Variants in ATP1A1 observed in about 807,000 individuals in gnomAD.
ATP1A1 encodes the protein sodium/potassium-transporting ATPase subunit alpha-1.
ATP1A1 carries 14 observed loss-of-function variants against 114.8 expected under a neutral mutation model. The observed-to-expected ratio is 0.12, with a 90% confidence interval of 0.08 to 0.19. The LOEUF is 0.19. Among genes scored for constraint, ATP1A1 ranks in the 10% least tolerant of loss-of-function variants. The pLI, the probability that ATP1A1 is intolerant of heterozygous loss-of-function variation, is 1.00. For synonymous variants in ATP1A1, 471 were observed against 466.3 expected, an observed-to-expected ratio of 1.01 and a Z score of -0.13; for missense variants, 524 against 1,290.7, an observed-to-expected ratio of 0.41 and a Z score of 9.10.
At chr1:116,394,114 A>G (rs1407005988) in intron 12 of ATP1A1, among the ~76,000 whole-genome samples, 1 of 152,214 alleles carries the variant, frequency 6.6e-6, no homozygotes, top group African/African-American at 2.4e-5. Flanking sequence ...TGTCTAAGTT[A>G]GACATACTAT....
intron 1 of ATP1A1, among the ~76,000 whole-genome samples, chr1:116,375,856 TCTC>T (rs987130437): frequency 6.6e-6 from 1 of 152,198 alleles, no homozygotes; most frequent in South Asian, 2.1e-4. Context: ...CTTCCCCTCC[TCTC>T]CTCAGTACCC....
At chr1:116,378,780 G>A (rs1239245667) in intron 1 of ATP1A1, among the ~76,000 whole-genome samples, 3 of 152,140 alleles carry the variant, frequency 2.0e-5, no homozygotes. Flanking sequence ...GGACTTACTG[G>A]GAGTTGATCT....
chr1:116,374,695 G>A (rs1292291326), intron 1 of ATP1A1, among the ~76,000 whole-genome samples: 1 of 152,184 alleles, frequency 6.6e-6, no homozygotes, highest in African/African-American at 2.4e-5. Context: ...GGAGTTCATG[G>A]GGTGAAAGTG....
At chr1:116,396,858 C>T in intron 14 of ATP1A1, 124 bp downstream of exon 14, 1 of 1,240,682 alleles carries the variant, frequency 8.1e-7, no homozygotes. Flanking sequence ...TGTACCTGCA[C>T]TGCCAGAAAG....
intron 9 of ATP1A1, 152 bp from the exon 10 acceptor site, chr1:116,390,630 G>A (rs1652393994): frequency 4.8e-6 from 4 of 828,386 alleles, no homozygotes. Context: ...CTACAAACGT[G>A]ACTGAAGAAT....
At chr1:116,374,391 C>G in intron 1 of ATP1A1, 1 of 1,179,664 alleles carries the variant, frequency 8.5e-7, no homozygotes, top group South Asian at 1.4e-5. Context: ...CCACCAGGGC[C>G]TCAGGGTACA....
In ATP1A1 at chr1:116,401,295, AAAG is replaced by A. The variant is rs750718064; in HGVS notation, c.2849+39_2849+41del. The A allele has an allele frequency of 1.2e-6, 2 of 1,612,526 alleles. No homozygotes were observed. The highest frequency in any genetic ancestry group is 1.3e-5 in the African/African-American group (1 of 75,016). ...GAAGGACATGTCAAGGCCTTGGCTC[AAAG>A]AAGGGGACTGGTGATTTGTAAACCC... is the stretch of plus-strand genomic sequence containing the variant. On this transcript the variant is annotated intron_variant, in intron 20 of 22. Transcript: ENST00000295598. This position sits in a 1 kb window ranked among gnomAD's most constrained non-coding sequence, Gnocchi z 4.7.
rs1653002887 is a variant in ATP1A1 at position 116,397,233 on chromosome 1, GT to G, written c.1973+503del. Among the ~76,000 whole-genome samples, 1 of 152,188 alleles carries G rather than the reference GT, an allele frequency of 6.6e-6. No homozygotes were observed. Among genetic ancestry groups the G allele is most frequent in the African/African-American group, 2.4e-5 (1 of 41,448 alleles). Reference sequence around the variant, plus strand: ...AAACAGATAATAGCAAATTGGTTTTGTTTTAAGGTTTAGGGCCCTTTCACCC... The same window carrying G: ...AAACAGATAATAGCAAATTGGTTTTGTTTAAGGTTTAGGGCCCTTTCACCC... On this transcript the variant is annotated intron_variant, in intron 14 of 22. Coordinates refer to ENST00000295598, the MANE Select transcript of ATP1A1 (RefSeq NM_000701.8). This position sits in a 1 kb window ranked among gnomAD's most constrained non-coding sequence, Gnocchi z 4.2.
intron 1 of ATP1A1, chr1:116,374,333 G>T (rs1651208650): frequency 5.8e-6 from 9 of 1,542,242 alleles, no homozygotes; most frequent in Non-Finnish European, 1.8e-6. Flanking sequence ...GGGGAGAGGC[G>T]TGCAGATTTT....
chr1:116,374,172 A>T, intron 1 of ATP1A1: 1 of 1,549,978 alleles, frequency 6.5e-7, no homozygotes, highest in Non-Finnish European at 8.7e-7. Context: ...GCTGCTTCTA[A>T]GTGCGAAGCC....
chr1:116,384,061 T>C lies in ATP1A1; in HGVS notation c.60T>C (p.Asp20=), dbSNP rs1489463687. The C allele has an allele frequency of 7.3e-5, 118 of 1,613,808 alleles. No homozygotes were observed. The highest frequency in any genetic ancestry group is 2.5e-5 in the Non-Finnish European group (30 of 1,179,962). ...CTGCAGCTGTTTCAGAACAAGGTGA[T>C]AAAAAGGGCAAAAAGGGCAAAAAAG... ...YEPAAVSEQG[D]KKGKKGKKDR... is the part of the protein sequence containing the mutation. Residue 20 remains aspartate, a synonymous_variant, in exon 2 of 23, where the codon GAT becomes GAC. Transcript: ENST00000295598. The surrounding 1 kb of genome is among the most constrained non-coding windows in gnomAD (Gnocchi z 5.1).
rs1479081300 is a variant in ATP1A1, at chr1:116,404,390, C to G, written c.3044-26C>G. On this transcript the variant is annotated intron_variant, in intron 22 of 22. Transcript: ENST00000295598. The surrounding 1 kb of genome is among the most constrained non-coding windows in gnomAD (Gnocchi z 4.8). ...GCGAGGAAGACTCACTGTAGTGTGT[C>G]TTGTCTGTCTCTTTGCCACCCACAG... 1 of 1,613,826 alleles carries G rather than the reference C, an allele frequency of 6.2e-7. No individual in the cohort carries two copies. Among genetic ancestry groups the G allele is most frequent in the African/African-American group, 1.3e-5 (1 of 75,018 alleles).
In ATP1A1 at chr1:116,385,305, G is replaced by T; in HGVS notation, c.183+463G>T. On this transcript the variant is annotated intron_variant, in intron 3 of 22. Transcript: ENST00000295598. The surrounding 1 kb of genome is among the most constrained non-coding windows in gnomAD (Gnocchi z 4.3). ...TGTTTAGTTATTCTATCATTTAGTTGGAAATTGTTTTGTACAAAAATTAAA... is the reference window on the plus strand; with the variant it reads ...TGTTTAGTTATTCTATCATTTAGTTTGAAATTGTTTTGTACAAAAATTAAA... The T allele has an allele frequency of 1.3e-5, 2 of 158,226 alleles. No individual in the cohort carries two copies. The highest frequency in any genetic ancestry group is 2.8e-5 in the Non-Finnish European group (2 of 72,282). The allele number at this position is 158,226 out of a possible 1,614,324, so 9.8% of individuals were successfully genotyped here.
chr1:116,394,081 T>G (rs1441509434), intron 12 of ATP1A1, among the ~76,000 whole-genome samples: 1 of 152,192 alleles, frequency 6.6e-6, no homozygotes, highest in Non-Finnish European at 1.5e-5. Flanking sequence ...ATAAGCCTAA[T>G]TAAAGTTAAT....
In ATP1A1 at chr1:116,404,599, G is replaced by A; in HGVS notation, c.*155G>A. 7.3e-7 allele frequency: 1 copy of A among 1,364,088 alleles called. No homozygotes were observed. Among genetic ancestry groups the A allele is most frequent in the Non-Finnish European group, 9.4e-7 (1 of 1,060,836 alleles). The allele number at this position is 1,364,088 out of a possible 1,614,324, so 84.5% of individuals were successfully genotyped here. ...AGCAAGACGTCCTGGAATGAAGCATGTAGCTCTATGGGGGGAGGGGGGAGG... is the reference window on the plus strand; with the variant it reads ...AGCAAGACGTCCTGGAATGAAGCATATAGCTCTATGGGGGGAGGGGGGAGG... On this transcript the variant is annotated 3_prime_UTR_variant, in exon 23 of 23. Transcript: ENST00000295598. The surrounding 1 kb of genome is among the most constrained non-coding windows in gnomAD (Gnocchi z 4.8).
intron 10 of ATP1A1, among the ~76,000 whole-genome samples, chr1:116,391,737 G>A (rs1057364497): frequency 2.0e-5 from 3 of 152,208 alleles, no homozygotes; most frequent in African/African-American, 4.8e-5. Flanking sequence ...TGTGTATCTT[G>A]AGGATAAAAC....
In ATP1A1 at chr1:116,400,843, G is replaced by T; in HGVS notation, c.2573-18G>T. The T allele has an allele frequency of 1.2e-6, 2 of 1,613,826 alleles. No individual in the cohort carries two copies. Among genetic ancestry groups the T allele is most frequent in the Non-Finnish European group, 1.7e-6 (2 of 1,179,886 alleles). ...TTGTGTGTGAGGTTCTAGTAATTGG[G>T]TTGTTTTCCCAACTTAGGAATGATC... On this transcript the variant is annotated intron_variant, in intron 18 of 22. Coordinates refer to ENST00000295598, the MANE Select transcript of ATP1A1 (RefSeq NM_000701.8).
At chr1:116,396,803 G>T in intron 14 of ATP1A1, 69 bp downstream of exon 14, 1 of 1,484,590 alleles carries the variant, frequency 6.7e-7, no homozygotes, top group Non-Finnish European at 9.0e-7. Context: ...AATCTTCAGC[G>T]TGGTTCTATA....
Position 116,389,365 on chromosome 1 carries a change from T to C in ATP1A1, c.755-74T>C. Reference sequence around the variant, plus strand: ...TTTTTGTTTTTTTAGTCATCCTATGTAATTGTGTAAAATCCGTGGCTTCCT... The same window carrying C: ...TTTTTGTTTTTTTAGTCATCCTATGCAATTGTGTAAAATCCGTGGCTTCCT... On this transcript the variant is annotated intron_variant, in intron 7 of 22. Coordinates refer to ENST00000295598, the MANE Select transcript of ATP1A1 (RefSeq NM_000701.8). The surrounding 1 kb of genome is among the most constrained non-coding windows in gnomAD (Gnocchi z 6.9). The C allele has an allele frequency of 1.3e-6, 2 of 1,571,944 alleles. No homozygotes were observed. The highest frequency in any genetic ancestry group is 1.7e-6 in the Non-Finnish European group (2 of 1,153,134).
Sources: allele counts gnomAD v4.1 joint callset (sites outside exome capture counted in the v4.1 genomes callset), GRCh38; gene constraint gnomAD v4.1.1; non-coding constraint Gnocchi (gnomAD v3.1); transcripts MANE v1.5; gene names NCBI Gene and HGNC (gene_info 2026-07-23, HGNC 2026-07-21).